Variants in KIF3C observed in about 807,000 individuals in gnomAD.
KIF3C encodes the protein kinesin-like protein KIF3C.
In KIF3C, 12 loss-of-function variants were observed where a neutral mutation model predicts 67.7. That is an observed-to-expected ratio of 0.18 (90% CI 0.11 to 0.29). KIF3C has a LOEUF of 0.29. KIF3C is among the 10% of genes least tolerant of loss of function. The pLI, the probability that KIF3C is intolerant of heterozygous loss-of-function variation, is 1.00. For synonymous variants in KIF3C, 393 were observed against 426.2 expected, an observed-to-expected ratio of 0.92 and a Z score of 0.96; for missense variants, 789 against 1,059.6, an observed-to-expected ratio of 0.74 and a Z score of 3.55.
intron 5 of KIF3C, among the ~76,000 whole-genome samples, chr2:25,948,620 AAGAGAGAAAGAG>A (rs199899355): frequency 0.19 from 27,670 of 147,166 alleles, 2,997 homozygotes; most frequent in African/African-American, 0.3. Context: ...GAGAAAGAGA[AAGAGAGAAAGAG>A]AGAGAGAAAG....
In KIF3C at chr2:25,954,255, T is replaced by G. The variant is rs1367171295; in HGVS notation, c.1889+12A>C. On this transcript the variant is annotated intron_variant, in intron 4 of 7. Transcript: ENST00000264712. The stretch of plus-strand genomic sequence containing the variant: ...TGTGGGGACCCGGGATGAAAAGAGC[T>G]GCGGGCCCTACTTGAGCTTGAGTTC... 3 of 1,600,738 alleles carry G rather than the reference T, an allele frequency of 1.9e-6. No homozygotes were observed. The highest frequency in any genetic ancestry group is 2.6e-6 in the Non-Finnish European group (3 of 1,167,822).
chr2:25,927,246 T>A lies in KIF3C; in HGVS notation c.*1732A>T, dbSNP rs1042691644. On this transcript the variant is annotated 3_prime_UTR_variant, in exon 8 of 8. Transcript: ENST00000264712. ...GCTTTGTCCACAAACGAGAAAGAGG[T>A]CAGTGGGAGAGGCTGCTCAACGCAG... 1.3e-5 allele frequency: 2 copies of A among 152,600 alleles called. No homozygotes were observed. Among genetic ancestry groups the A allele is most frequent in the East Asian group, 1.9e-4 (1 of 5,162 alleles). The allele number at this position is 152,600 out of a possible 1,614,324, so 9.5% of individuals were successfully genotyped here.
intron 1 of KIF3C, among the ~76,000 whole-genome samples, chr2:25,975,787 T>C (rs1042824012): frequency 9.9e-5 from 15 of 151,854 alleles, no homozygotes; most frequent in Non-Finnish European, 1.9e-4. Context: ...TGAAACCCCA[T>C]CTCTACTAAA....
At chr2:25,957,481 T>G (rs1041255554) in intron 1 of KIF3C, among the ~76,000 whole-genome samples, 2 of 152,040 alleles carry the variant, frequency 1.3e-5, no homozygotes, top group Non-Finnish European at 2.9e-5. Flanking sequence ...GAAAATAAAA[T>G]AAGAAGAAGG....
chr2:25,929,761 A>G (rs185632343), intron 6 of KIF3C, among the ~76,000 whole-genome samples, 194 bp downstream of exon 6: 1 of 151,020 alleles, frequency 6.6e-6, no homozygotes, highest in Non-Finnish European at 1.5e-5. Flanking sequence ...GACTATAGGC[A>G]CCCATCACCA....
At chr2:25,962,877 TAA>T (rs1491187192) in intron 1 of KIF3C, among the ~76,000 whole-genome samples, 2 of 68,590 alleles carry the variant, frequency 2.9e-5, no homozygotes, top group African/African-American at 6.4e-5. Context: ...ATATAATATA[TAA>T]AATATATATA....
rs548097289 is a variant in KIF3C at position 25,976,588 on chromosome 2, C to T, written c.1545+3785G>A. On this transcript the variant is annotated intron_variant, in intron 1 of 7. Transcript: ENST00000264712. ...CAGCCTTGCCAACCTCATGAAACCC[C>T]GTCTCTACTAAAAATACAAAAAATT... Among the ~76,000 whole-genome samples the T allele has an allele frequency of 1.2e-4, 19 of 152,060 alleles. No individual in the cohort carries two copies. The South Asian group carries it at 3.9e-3, about 32-fold the overall frequency.
intron 6 of KIF3C, among the ~76,000 whole-genome samples, 159 bp downstream of exon 6, chr2:25,929,796 A>G (rs3731641): frequency 0.22 from 32,909 of 151,646 alleles, 5,971 homozygotes; most frequent in East Asian, 0.89. Context: ...TTGTATTTTT[A>G]GTAGAGACAG....
chr2:25,948,605 AGAAAGAGAAAGAGAAAGAGAGAAAGAGAG>A (rs1248293159), intron 5 of KIF3C, among the ~76,000 whole-genome samples: 34 of 137,512 alleles, frequency 2.5e-4, no homozygotes, highest in African/African-American at 8.7e-4. Flanking sequence ...AGAGAAAGAA[AGAAAGAGAAAGAGAAAGAGAGAAAGAGAG>A]AGAGAAAGAG....
intron 5 of KIF3C, among the ~76,000 whole-genome samples, chr2:25,946,519 C>T (rs1280763810): frequency 9.2e-5 from 14 of 152,120 alleles, no homozygotes; most frequent in Non-Finnish European, 1.5e-5. Context: ...GAAACCCAGT[C>T]CCTACTAAAA....
chr2:25,980,601 G>A lies in KIF3C; in HGVS notation c.1317C>T (p.Asn439=). ...AWVAEEEDDN[N]NNHRPPQPIL... ...TGGGCTGGGGCGGGCGGTGGTTGTT[G>A]TTGTTGTCATCCTCCTCTTCTGCCA... Residue 439 remains asparagine (N), a synonymous_variant, in exon 1 of 8, where the codon AAC becomes AAT. Coordinates refer to ENST00000264712, the MANE Select transcript of KIF3C (RefSeq NM_002254.8). The surrounding 1 kb of genome is among the most constrained non-coding windows in gnomAD (Gnocchi z 7.6). 4 of 1,614,090 alleles carry A rather than the reference G, an allele frequency of 2.5e-6. No homozygotes were observed. Among genetic ancestry groups the A allele is most frequent in the Non-Finnish European group, 2.5e-6 (3 of 1,180,028 alleles).
intron 5 of KIF3C, among the ~76,000 whole-genome samples, chr2:25,933,152 G>C (rs932153799): frequency 1.3e-5 from 2 of 151,756 alleles, no homozygotes; most frequent in Non-Finnish European, 2.9e-5. Flanking sequence ...TTGGGAGGCT[G>C]AGACAGGAGA....
chr2:25,956,550 C>T (rs1663811750), intron 1 of KIF3C, 106 bp from the exon 2 acceptor site: 3 of 784,148 alleles, frequency 3.8e-6, no homozygotes, highest in Non-Finnish European at 6.5e-6. Flanking sequence ...GGAGTGGACA[C>T]CAGATGTGTC....
At chr2:25,968,172 G>A (rs1162459805) in intron 1 of KIF3C, among the ~76,000 whole-genome samples, 1 of 152,184 alleles carries the variant, frequency 6.6e-6, no homozygotes, top group Non-Finnish European at 1.5e-5. Context: ...ATTTTCAGAT[G>A]AATAATGCTA....
intron 5 of KIF3C, among the ~76,000 whole-genome samples, chr2:25,943,040 G>T (rs1012767729): frequency 6.6e-6 from 1 of 152,140 alleles, no homozygotes; most frequent in Admixed American, 6.5e-5. Context: ...CTCTCACTTC[G>T]AGCAGCTCTT....
rs1055735250 is a variant in KIF3C, at chr2:25,981,908, T to C, written c.10A>G (p.Lys4Glu). 5 of 1,550,368 alleles carry C rather than the reference T, an allele frequency of 3.2e-6. No homozygotes were observed. The African/African-American group carries it at 6.8e-5, about 21-fold the overall frequency. The part of the protein sequence containing the change: MAS[K>E]TKASEALKVV... ...TTGAGGGCCTCGCTGGCCTTGGTCT[T>C]ACTGGCCATCTTGCTGCTCTGACCT... is the stretch of plus-strand genomic sequence containing the variant. Residue 4 changes from lysine to glutamate, a missense_variant, in exon 1 of 8, where the codon AAG (lysine) becomes GAG (glutamate). Physicochemically the swap from Lys to Glu is moderately conservative, Grantham distance 56 (BLOSUM62 1). This residue lies in a region of KIF3C where 141 missense variants were observed against 251.8 expected (regional missense o/e 0.56). Transcript: ENST00000264712. This position sits in a 1 kb window ranked among gnomAD's most constrained non-coding sequence, Gnocchi z 8.2.
At chr2:25,973,418 G>A (rs896249891) in intron 1 of KIF3C, among the ~76,000 whole-genome samples, 1 of 152,062 alleles carries the variant, frequency 6.6e-6, no homozygotes, top group Non-Finnish European at 1.5e-5. Flanking sequence ...GCCAGGTGTG[G>A]TGGCGTGCAC....
chr2:25,958,562 C>T lies in KIF3C; in HGVS notation c.1546-2118G>A, dbSNP rs1043539937. 5.3e-5 allele frequency among the ~76,000 whole-genome samples: 8 copies of T among 151,906 alleles called. No individual in the cohort carries two copies. Among genetic ancestry groups the T allele is most frequent in the Non-Finnish European group, 1.0e-4 (7 of 67,972 alleles). On this transcript the variant is annotated intron_variant, in intron 1 of 7. Coordinates refer to ENST00000264712, the MANE Select transcript of KIF3C (RefSeq NM_002254.8). This position sits in a 1 kb window ranked among gnomAD's most constrained non-coding sequence, Gnocchi z 4.5. ...CGCCACTGCACTCCAGCCTGGGTGC[C>T]AGAGTGAGACTTCATCACAAAAAAC...
Position 25,926,727 on chromosome 2 carries a change from G to C in KIF3C, c.*2251C>G, listed in dbSNP as rs1292507878. ...CAGAAAGGCCTCCATCCGAAGCCAA[G>C]GGGACAGAGGGGAATGTTTTATATA... On this transcript the variant is annotated 3_prime_UTR_variant, in exon 8 of 8. Transcript: ENST00000264712. 1 of 152,182 alleles carries C rather than the reference G, an allele frequency of 6.6e-6. No homozygotes were observed. Among genetic ancestry groups the C allele is most frequent in the African/African-American group, 2.4e-5 (1 of 41,454 alleles). The allele number at this position is 152,182 out of a possible 1,614,324, so 9.4% of individuals were successfully genotyped here.
Sources: allele counts gnomAD v4.1 joint callset (sites outside exome capture counted in the v4.1 genomes callset), GRCh38; gene constraint gnomAD v4.1.1; regional missense constraint gnomAD v4.1.1; non-coding constraint Gnocchi (gnomAD v3.1); transcripts MANE v1.5; gene names NCBI Gene and HGNC (gene_info 2026-07-23, HGNC 2026-07-21).